SSBP2: variants seen among roughly 807,000 people sequenced by gnomAD.
The protein encoded by SSBP2 is single stranded DNA binding protein 2.
In SSBP2, 17 loss-of-function variants were observed where a neutral mutation model predicts 61.8. The ratio of observed to expected loss-of-function variants is 0.28; its 90% confidence interval spans 0.19 to 0.41. SSBP2 has a LOEUF of 0.41. SSBP2 is among the 10% of genes least tolerant of loss of function. The probability of loss-of-function intolerance (pLI) is 1.00; values close to 1 mark genes in which losing one functional copy is unlikely to be tolerated. For synonymous variants in SSBP2, 139 were observed against 141.3 expected (o/e 0.98, Z 0.12); for missense variants, 310 against 458.7 (o/e 0.68, Z 2.96).
At chr5:81,584,375 C>G (rs1774909509) in intron 4 of SSBP2, among the ~76,000 whole-genome samples, 1 of 152,156 alleles carries the variant, frequency 6.6e-6, no homozygotes, top group Admixed American at 6.5e-5. Flanking sequence ...CTCCTTTAGG[C>G]TAAGCACTAG....
intron 4 of SSBP2, among the ~76,000 whole-genome samples, chr5:81,583,717 G>T (rs929131962): frequency 6.6e-6 from 1 of 151,464 alleles, no homozygotes; most frequent in Non-Finnish European, 1.5e-5. Flanking sequence ...TGCTCAACTA[G>T]AATATTTTAG....
At chr5:81,560,669 CA>C (rs1484804929) in intron 4 of SSBP2, among the ~76,000 whole-genome samples, 4 of 152,116 alleles carry the variant, frequency 2.6e-5, no homozygotes, top group Admixed American at 2.6e-4. Context: ...GCATTTGAAA[CA>C]GATTAATTTT....
intron 1 of SSBP2, among the ~76,000 whole-genome samples, chr5:81,677,829 GAA>G (rs796801784): frequency 2.1e-4 from 21 of 101,996 alleles, no homozygotes; most frequent in Non-Finnish European, 2.8e-4. Context: ...CCTTAAGGGT[GAA>G]AAAAAAAAAA....
chr5:81,565,458 A>T (rs77762955), intron 4 of SSBP2, among the ~76,000 whole-genome samples: 133 of 152,308 alleles, frequency 8.7e-4, no homozygotes, highest in African/African-American at 3.1e-3. Flanking sequence ...AAAAGTTCCC[A>T]CAAAGATTTT....
chr5:81,457,649 T>C (rs1356577212), intron 10 of SSBP2, among the ~76,000 whole-genome samples: 5 of 152,134 alleles, frequency 3.3e-5, no homozygotes, highest in African/African-American at 1.2e-4. Flanking sequence ...AAATGATGCA[T>C]TGAGAAAAAC....
chr5:81,519,938 T>G (rs964422151), intron 4 of SSBP2, among the ~76,000 whole-genome samples: 1 of 152,090 alleles, frequency 6.6e-6, no homozygotes, highest in East Asian at 1.9e-4. Flanking sequence ...CTTTTAAAGG[T>G]TTTATTTATT....
chr5:81,607,581 G>A lies in SSBP2; in HGVS notation c.282+7892C>T, dbSNP rs139852937. 8.5e-3 allele frequency among the ~76,000 whole-genome samples: 1,298 copies of A among 152,240 alleles called. 12 individuals carry two copies. The highest frequency in any genetic ancestry group is 0.029 in the African/African-American group (1,210 of 41,564). Reference sequence around the variant, plus strand: ...GCTACATTGAAGAAAGGGCTAATATGTTGAGAGATTTCCCTACCTATTAAT... The same window carrying A: ...GCTACATTGAAGAAAGGGCTAATATATTGAGAGATTTCCCTACCTATTAAT... On this transcript the variant is annotated intron_variant, in intron 4 of 16. Transcript: ENST00000320672.
intron 4 of SSBP2, among the ~76,000 whole-genome samples, chr5:81,542,637 ATATGG>A (rs1337512346): frequency 1.2e-5 from 1 of 80,034 alleles, no homozygotes; most frequent in East Asian, 2.1e-4. Flanking sequence ...AGTCATGGTG[ATATGG>A]TTTGGTGCTG....
chr5:81,519,989 C>CT (rs889340422), intron 4 of SSBP2, among the ~76,000 whole-genome samples: 4,091 of 143,340 alleles, frequency 0.029, 70 homozygotes, highest in African/African-American at 0.044. Flanking sequence ...TTTCCCCCCT[C>CT]TTTTTTTTTT....
intron 1 of SSBP2, among the ~76,000 whole-genome samples, chr5:81,703,549 T>TA (rs1277274580): frequency 1.3e-5 from 2 of 151,314 alleles, no homozygotes; most frequent in Non-Finnish European, 2.9e-5. Context: ...CCCTAAAACT[T>TA]AAAGTATAAT....
intron 4 of SSBP2, among the ~76,000 whole-genome samples, chr5:81,554,754 G>T (rs1581009160): frequency 6.6e-6 from 1 of 151,978 alleles, no homozygotes; most frequent in Non-Finnish European, 1.5e-5. Context: ...TGTATCCTAA[G>T]CTTTTATACT....
At chr5:81,750,228 G>C (rs1397006107) in intron 1 of SSBP2, among the ~76,000 whole-genome samples, 1 of 149,064 alleles carries the variant, frequency 6.7e-6, no homozygotes. Flanking sequence ...CGGCGTCTCC[G>C]GCGCCCACCC....
At chr5:81,433,438 T>A (rs1415398157) in intron 15 of SSBP2, among the ~76,000 whole-genome samples, 1 of 151,976 alleles carries the variant, frequency 6.6e-6, no homozygotes, top group African/African-American at 2.4e-5. Context: ...TCACCACTCC[T>A]TAATCTCAAG....
chr5:81,686,868 A>AAAAAGAAAAG lies in SSBP2; in HGVS notation c.63-36539_63-36530dup, dbSNP rs1172109276. ...AGACTTCATCTCAAAAAAAAAAAAA[A>AAAAAGAAAAG]AAAAGAAAAGAAAAGAAAAGAAAAG... On this transcript the variant is annotated intron_variant, in intron 1 of 16. Coordinates refer to ENST00000320672, the MANE Select transcript of SSBP2 (RefSeq NM_012446.5). Among the ~76,000 whole-genome samples, 150 of 59,466 alleles carry AAAAAGAAAAG rather than the reference A, an allele frequency of 2.5e-3. 1 individual carries two copies. Among genetic ancestry groups the AAAAAGAAAAG allele is most frequent in the South Asian group, 0.011 (21 of 1,924 alleles). The allele number at this position is 59,466 out of a possible 152,430, so 39.0% of individuals were successfully genotyped here. A position where few individuals can be genotyped will look rare whatever the true frequency, so the allele number is the denominator to read the frequency against.
At chr5:81,444,419 T>C (rs539869087) in intron 12 of SSBP2, among the ~76,000 whole-genome samples, 4 of 152,300 alleles carry the variant, frequency 2.6e-5, no homozygotes, top group African/African-American at 9.6e-5. Context: ...TTCCTGGCAG[T>C]TCCAAGTGCA....
chr5:81,553,869 C>T (rs1307882272), intron 4 of SSBP2, among the ~76,000 whole-genome samples: 1 of 151,954 alleles, frequency 6.6e-6, no homozygotes, highest in East Asian at 1.9e-4. Flanking sequence ...TTTATCCTTT[C>T]CTGCTTTCTT....
chr5:81,513,798 G>T, intron 4 of SSBP2, 81 bp from the exon 5 acceptor site: 1 of 849,068 alleles, frequency 1.2e-6, no homozygotes. Context: ...TAGATTGCAG[G>T]ACGGGATGCT....
chr5:81,703,008 T>A (rs1754097997), intron 1 of SSBP2, among the ~76,000 whole-genome samples: 1 of 152,254 alleles, frequency 6.6e-6, no homozygotes, highest in Non-Finnish European at 1.5e-5. Context: ...AAGTTGGTCA[T>A]TTTAATGAGG....
At chr5:81,720,378 C>G (rs1755462603) in intron 1 of SSBP2, among the ~76,000 whole-genome samples, 1 of 152,162 alleles carries the variant, frequency 6.6e-6, no homozygotes, top group African/African-American at 2.4e-5. Context: ...AATTTAAAAT[C>G]TGTATCACAG....
Sources: allele counts gnomAD v4.1 joint callset (sites outside exome capture counted in the v4.1 genomes callset), GRCh38; gene constraint gnomAD v4.1.1; transcripts MANE v1.5; gene names NCBI Gene and HGNC (gene_info 2026-07-23, HGNC 2026-07-21).